ASIC2: variants seen among roughly 807,000 people sequenced by gnomAD.
ASIC2 encodes acid sensing ion channel subunit 2.
In ASIC2, 25 loss-of-function variants were observed where a neutral mutation model predicts 57.3. The observed-to-expected ratio is 0.44, with a 90% CI of 0.32 to 0.61. The LOEUF (loss-of-function observed/expected upper bound fraction) is 0.61, where lower values mean the gene tolerates loss of function less well. Ranked by LOEUF, ASIC2 falls within the 20% of genes least tolerant of loss-of-function variation. ASIC2 has a pLI of 0.06. For missense variants in ASIC2, 641 were observed against 738.1 expected (o/e 0.87, Z 1.52); for synonymous variants, 319 against 307.5 (o/e 1.04, Z -0.39).
intron 1 of ASIC2, among the ~76,000 whole-genome samples, chr17:33,879,575 C>T (rs1030377401): frequency 6.6e-6 from 1 of 152,180 alleles, no homozygotes; most frequent in African/African-American, 2.4e-5. Flanking sequence ...TATATATGCA[C>T]CCAATACAGG....
intron 1 of ASIC2, among the ~76,000 whole-genome samples, chr17:33,709,929 C>T (rs999771001): frequency 6.6e-6 from 1 of 152,162 alleles, no homozygotes; most frequent in Non-Finnish European, 1.5e-5. Context: ...TTATGGGCAA[C>T]CCTTATTATC....
chr17:33,116,398 C>T (rs2092281141), intron 1 of ASIC2, among the ~76,000 whole-genome samples: 2 of 152,180 alleles, frequency 1.3e-5, no homozygotes, highest in Non-Finnish European at 2.9e-5. Flanking sequence ...CGCCCCCAGC[C>T]AGAAAATATA....
Position 33,291,947 on chromosome 17 carries a change from C to A in ASIC2, c.169G>T (p.Gly57Trp). 1 of 1,513,280 alleles carries A rather than the reference C, an allele frequency of 6.6e-7. No homozygotes were observed. Among genetic ancestry groups the A allele is most frequent in the Admixed American group, 2.1e-5 (1 of 47,782 alleles). The allele number at this position is 1,513,280 out of a possible 1,614,324, so 93.7% of individuals were successfully genotyped here. Residue 57 changes from glycine to tryptophan, a missense_variant, in exon 1 of 10, where the codon GGG becomes TGG. By Grantham distance (184) the Gly-to-Trp change is radical (BLOSUM62 -2). This residue lies in a region of ASIC2 where 382 missense variants were observed against 398.0 expected (regional missense o/e 0.96). Coordinates refer to ENST00000225823, the MANE Select transcript of ASIC2 (RefSeq NM_183377.2). Reference protein sequence around the residue: ...ALQGPGVARRGRPSLSRAKLH... With the variant: ...ALQGPGVARRWRPSLSRAKLH... ...TTAGCGCGGCTCAGCGATGGCCGCC[C>A]CCTGCGGGCGACCCCTGGCCCCTGC... is the stretch of plus-strand genomic sequence containing the variant.
intron 1 of ASIC2, among the ~76,000 whole-genome samples, chr17:34,114,544 C>T (rs73986868): frequency 0.027 from 4,085 of 152,276 alleles, 187 homozygotes; most frequent in African/African-American, 0.092. Flanking sequence ...TGGCAACATT[C>T]CTAACTTCTT....
chr17:33,287,180 T>G (rs932853478), intron 1 of ASIC2, among the ~76,000 whole-genome samples: 2 of 152,200 alleles, frequency 1.3e-5, no homozygotes, highest in Non-Finnish European at 2.9e-5. Flanking sequence ...ATATGTTATC[T>G]TCACCTCAGA....
At chr17:33,898,313 G>T (rs1430959224) in intron 1 of ASIC2, among the ~76,000 whole-genome samples, 1 of 130,418 alleles carries the variant, frequency 7.7e-6, no homozygotes, top group African/African-American at 2.9e-5. Context: ...TTGGCTCACT[G>T]CAACCTCCGC....
At chr17:33,554,644 T>C (rs1441082082) in intron 1 of ASIC2, among the ~76,000 whole-genome samples, 1 of 152,048 alleles carries the variant, frequency 6.6e-6, no homozygotes, top group Non-Finnish European at 1.5e-5. Flanking sequence ...CTGTGCTTTT[T>C]GAGGAAGAAG....
intron 1 of ASIC2, among the ~76,000 whole-genome samples, chr17:33,643,407 C>T (rs1906644999): frequency 6.6e-6 from 1 of 152,234 alleles, no homozygotes; most frequent in Non-Finnish European, 1.5e-5. Context: ...ATGCTGTTCA[C>T]TGCTACCCAT....
chr17:33,379,771 G>A (rs965407383), intron 1 of ASIC2, among the ~76,000 whole-genome samples: 15 of 152,182 alleles, frequency 9.9e-5, no homozygotes, highest in African/African-American at 3.6e-4. Flanking sequence ...GGGCATTGGT[G>A]GTGAGGCCAA....
At chr17:33,381,863 A>G (rs1472523926) in intron 1 of ASIC2, among the ~76,000 whole-genome samples, 1 of 152,228 alleles carries the variant, frequency 6.6e-6, no homozygotes, top group African/African-American at 2.4e-5. Context: ...TTGCAGAAAT[A>G]TAAACTGTAC....
At chr17:33,531,124 G>C (rs1021690166) in intron 1 of ASIC2, among the ~76,000 whole-genome samples, 1 of 151,732 alleles carries the variant, frequency 6.6e-6, no homozygotes, top group African/African-American at 2.4e-5. Context: ...TTGAACCCTA[G>C]ACTCTGTGAT....
chr17:33,549,217 C>A (rs1270422601), intron 1 of ASIC2, among the ~76,000 whole-genome samples: 1 of 152,046 alleles, frequency 6.6e-6, no homozygotes, highest in South Asian at 2.1e-4. Context: ...TCTGAAGGTC[C>A]TTTTAGCGCG....
chr17:33,925,496 G>A (rs1383799454), intron 1 of ASIC2, among the ~76,000 whole-genome samples: 2 of 152,200 alleles, frequency 1.3e-5, no homozygotes, highest in Non-Finnish European at 2.9e-5. Context: ...GGAGTGTGGT[G>A]CAAGTCACAA....
At chr17:33,961,253 T>C (rs1904910854) in intron 1 of ASIC2, among the ~76,000 whole-genome samples, 1 of 152,174 alleles carries the variant, frequency 6.6e-6, no homozygotes, top group Non-Finnish European at 1.5e-5. Context: ...TGTGCAGCTA[T>C]TGGCAGGGGC....
intron 1 of ASIC2, among the ~76,000 whole-genome samples, chr17:33,994,422 C>T (rs4602081): frequency 3.7e-3 from 562 of 152,266 alleles, no homozygotes; most frequent in African/African-American, 0.013. Context: ...AGTCACAGCA[C>T]GCTGTAGGGC....
At chr17:33,485,378 C>T (rs553388026) in intron 1 of ASIC2, among the ~76,000 whole-genome samples, 20 of 152,198 alleles carry the variant, frequency 1.3e-4, no homozygotes, top group Non-Finnish European at 2.8e-4. Context: ...GCCTCCCTGG[C>T]CAGGCCAAGA....
intron 1 of ASIC2, among the ~76,000 whole-genome samples, chr17:33,593,075 A>C (rs1023506851): frequency 6.6e-6 from 1 of 152,218 alleles, no homozygotes; most frequent in Non-Finnish European, 1.5e-5. Context: ...CAAGATCCCC[A>C]AAAGCATCTG....
intron 1 of ASIC2, among the ~76,000 whole-genome samples, chr17:33,937,409 CTT>C (rs781271428): frequency 6.7e-6 from 1 of 150,204 alleles, no homozygotes; most frequent in East Asian, 2.0e-4. Context: ...GAAAATGCCT[CTT>C]TTGAATCAGA....
intron 1 of ASIC2, among the ~76,000 whole-genome samples, chr17:33,440,348 A>G (rs192351863): frequency 6.6e-6 from 1 of 152,370 alleles, no homozygotes; most frequent in East Asian, 1.9e-4. Context: ...TTACATGTAT[A>G]CACCATGTTT....
Sources: gnomAD v4.1 joint callset for allele counts (sites outside exome capture counted in the v4.1 genomes callset) on GRCh38, gnomAD v4.1.1 for gene constraint, gnomAD v4.1.1 regional missense constraint, MANE v1.5 for transcripts, NCBI Gene and HGNC (gene_info 2026-07-23, HGNC 2026-07-21) for gene names.